The following CPAMD8 variants were observed in gnomAD, a reference collection of about 807,000 sequenced individuals.
CPAMD8 encodes the protein C3 and PZP like alpha-2-macroglobulin domain containing 8, also known as C3 and PZP-like alpha-2-macroglobulin domain-containing protein 8.
A neutral mutation model predicts 224.7 loss-of-function variants in CPAMD8; 146 were observed. That is an observed-to-expected ratio of 0.65 (90% CI 0.57 to 0.75). The LOEUF (loss-of-function observed/expected upper bound fraction) is 0.75, where lower values mean the gene tolerates loss of function less well. Ranked by LOEUF, CPAMD8 falls within the 30% of genes least tolerant of loss-of-function variation. The pLI is 0.00. For missense variants in CPAMD8, 2,301 were observed against 2,537.5 expected (o/e 0.91, Z 2.00); for synonymous variants, 966 against 1,044.6 (o/e 0.92, Z 1.45).
intron 36 of CPAMD8, among the ~76,000 whole-genome samples, chr19:16,900,139 T>C (rs2052194493): frequency 6.6e-6 from 1 of 152,008 alleles, no homozygotes; most frequent in Non-Finnish European, 1.5e-5. Flanking sequence ...CACCCCCATG[T>C]CCCTCTTCCT....
intron 25 of CPAMD8, among the ~76,000 whole-genome samples, chr19:16,925,655 A>G (rs2053333180): frequency 6.6e-6 from 1 of 152,194 alleles, no homozygotes; most frequent in Admixed American, 6.5e-5. Context: ...AAATAGGTGC[A>G]TTGAAAGCTA....
intron 20 of CPAMD8, among the ~76,000 whole-genome samples, chr19:16,949,977 T>G (rs898008788): frequency 5.9e-5 from 9 of 152,084 alleles, no homozygotes; most frequent in Admixed American, 2.6e-4. Context: ...AGACCCTTCT[T>G]CCTTGGCCCA....
chr19:16,978,347 C>T (rs994287906), intron 14 of CPAMD8, among the ~76,000 whole-genome samples: 3 of 152,156 alleles, frequency 2.0e-5, no homozygotes, highest in Non-Finnish European at 4.4e-5. Flanking sequence ...ACAGTGGAAC[C>T]ACCACCATCC....
At chr19:16,948,012 T>C (rs568493125) in intron 20 of CPAMD8, among the ~76,000 whole-genome samples, 1 of 152,202 alleles carries the variant, frequency 6.6e-6, no homozygotes, top group Non-Finnish European at 1.5e-5. Context: ...ATGACTTGTG[T>C]GGGTGCATCA....
intron 18 of CPAMD8, among the ~76,000 whole-genome samples, chr19:16,961,933 C>T (rs569488386): frequency 6.6e-6 from 1 of 152,306 alleles, no homozygotes; most frequent in Admixed American, 6.5e-5. Context: ...CTCCAACAGA[C>T]CTGCAGCTGA....
At position 16,945,583 on chromosome 19, in the gene CPAMD8, C is replaced by A; in HGVS notation, c.2759G>T (p.Gly920Val). The change falls in exon 22 of 42, where the codon GGG becomes GTG. Residue 920 changes from glycine to valine, a missense_variant. This residue lies in a region of CPAMD8 where 1,709 missense variants were observed against 1,753.2 expected (regional missense o/e 0.97). Coordinates refer to ENST00000443236, the MANE Select transcript of CPAMD8 (RefSeq NM_015692.5). ...CACACTGCGCCTGACGTGATCCACCCCGATGGGGACCCTCCTGTCGGCGTG... is the reference window on the plus strand; with the variant it reads ...CACACTGCGCCTGACGTGATCCACCACGATGGGGACCCTCCTGTCGGCGTG... ...ENHADRRVPI[G>V]VDHVRRSVMV... is the part of the protein sequence containing the mutation. 1 of 1,614,168 alleles carries A rather than the reference C, an allele frequency of 6.2e-7. No individual in the cohort carries two copies. The highest frequency in any genetic ancestry group is 8.5e-7 in the Non-Finnish European group (1 of 1,180,000).
At position 16,971,034 on chromosome 19, in the gene CPAMD8, C is replaced by A. The variant is rs778259220; in HGVS notation, c.2071-1G>T. 1.9e-6 allele frequency: 3 copies of A among 1,598,674 alleles called. No individual in the cohort carries two copies. The African/African-American group carries it at 4.0e-5, about 22-fold the overall frequency. ...CGGTCATCACCACCAGTCCCGTTTCCTAGGCAACAGACAACACCCAAACCA... is the reference window on the plus strand; with the variant it reads ...CGGTCATCACCACCAGTCCCGTTTCATAGGCAACAGACAACACCCAAACCA... On this transcript the variant is annotated splice_acceptor_variant, in intron 17 of 41. Coordinates refer to ENST00000443236, the MANE Select transcript of CPAMD8 (RefSeq NM_015692.5). LOFTEE classifies it high-confidence loss of function.
chr19:16,938,459 A>C lies in CPAMD8; in HGVS notation c.2794-13T>G. ...GGACTCCTTCCGCCTGAAACAAAGA[A>C]ACAAGGAGAACTGAGTGCTGGGGCG... On this transcript the variant is annotated splice_polypyrimidine_tract_variant and intron_variant, in intron 22 of 41. Transcript: ENST00000443236. 1.3e-6 allele frequency: 2 copies of C among 1,550,608 alleles called. No homozygotes were observed. Among genetic ancestry groups the C allele is most frequent in the African/African-American group, 1.4e-5 (1 of 71,440 alleles).
At chr19:17,001,378 C>T (rs527971210) in intron 9 of CPAMD8, among the ~76,000 whole-genome samples, 2 of 106,978 alleles carry the variant, frequency 1.9e-5, no homozygotes, top group Admixed American at 9.5e-5. Context: ...AGCACACTGG[C>T]GGGGGTGCTG....
At chr19:16,926,538 C>T (rs2053367514) in intron 25 of CPAMD8, among the ~76,000 whole-genome samples, 1 of 152,020 alleles carries the variant, frequency 6.6e-6, no homozygotes, top group African/African-American at 2.4e-5. Flanking sequence ...GGATGATCTC[C>T]ATCTCTTGAT....
At chr19:16,965,312 C>T (rs1212055509) in intron 18 of CPAMD8, among the ~76,000 whole-genome samples, 4 of 152,028 alleles carry the variant, frequency 2.6e-5, no homozygotes, top group African/African-American at 9.7e-5. Flanking sequence ...TAAAAACTCT[C>T]AATAAACTAG....
At chr19:17,003,404 T>C (rs148582313) in intron 8 of CPAMD8, among the ~76,000 whole-genome samples, 4,520 of 151,780 alleles carry the variant, frequency 0.03, 208 homozygotes, top group African/African-American at 0.1. Flanking sequence ...GACTATGTTG[T>C]CCAGGCTGGT....
chr19:16,965,044 A>C (rs942456177), intron 18 of CPAMD8, among the ~76,000 whole-genome samples: 4 of 152,152 alleles, frequency 2.6e-5, no homozygotes, highest in African/African-American at 9.7e-5. Flanking sequence ...GCAGATCACA[A>C]GGTGAGGAGA....
chr19:17,022,280 C>T (rs2056980815), intron 1 of CPAMD8, 99 bp from the exon 2 acceptor site: 1 of 1,348,368 alleles, frequency 7.4e-7, no homozygotes, highest in Admixed American at 2.2e-5. Flanking sequence ...AGACTCCTGC[C>T]TTTTGCTGAC....
intron 23 of CPAMD8, among the ~76,000 whole-genome samples, 182 bp from the exon 24 acceptor site, chr19:16,929,422 G>A (rs1291305875): frequency 6.6e-6 from 1 of 152,196 alleles, no homozygotes; most frequent in Non-Finnish European, 1.5e-5. Context: ...AGATAAAATG[G>A]GACTGGGCAG....
At chr19:16,989,802 C>G in intron 12 of CPAMD8, 31 bp from the exon 13 acceptor site, 1 of 1,610,120 alleles carries the variant, frequency 6.2e-7, no homozygotes, top group Non-Finnish European at 8.5e-7. Context: ...GATCAACACC[C>G]GAGTGCCAAG....
intron 19 of CPAMD8, chr19:16,957,553 G>C: frequency 3.4e-6 from 1 of 296,998 alleles, no homozygotes; most frequent in Non-Finnish European, 6.2e-6. Flanking sequence ...CATGTTCCAG[G>C]GAACTGTAAT....
At chr19:16,920,847 C>T (rs1389490064) in intron 27 of CPAMD8, among the ~76,000 whole-genome samples, 10 of 131,238 alleles carry the variant, frequency 7.6e-5, no homozygotes, top group East Asian at 4.4e-4. Context: ...CAGAGTTAGA[C>T]TCTATCTCAA....
chr19:17,002,628 G>A lies in CPAMD8; in HGVS notation c.674-278C>T, dbSNP rs906085532. 2.4e-5 allele frequency: 7 copies of A among 293,568 alleles called. No individual in the cohort carries two copies. In the Admixed American group the frequency reaches 3.1e-4, roughly 13 times the overall value. The allele number at this position is 293,568 out of a possible 1,614,324, so 18.2% of individuals were successfully genotyped here. A position where few individuals can be genotyped will look rare whatever the true frequency, so the allele number is the denominator to read the frequency against. On this transcript the variant is annotated intron_variant, in intron 8 of 41. Transcript: ENST00000443236. ...GTGTGGCGGATTCCAGCCTATCCCAGGGTGGACACGAGGCCAGGAGGCTCC... is the reference window on the plus strand; with the variant it reads ...GTGTGGCGGATTCCAGCCTATCCCAAGGTGGACACGAGGCCAGGAGGCTCC...
Sources: gnomAD v4.1 joint callset for allele counts (sites outside exome capture counted in the v4.1 genomes callset) on GRCh38, gnomAD v4.1.1 for gene constraint, gnomAD v4.1.1 regional missense constraint, MANE v1.5 for transcripts, NCBI Gene and HGNC (gene_info 2026-07-23, HGNC 2026-07-21) for gene names.